The following MED12L variants were observed in gnomAD, a reference collection of about 807,000 sequenced individuals.
MED12L encodes the protein mediator complex subunit 12L.
A neutral mutation model predicts 281.3 loss-of-function variants in MED12L; 60 were observed. The observed-to-expected ratio is 0.21, with a 90% CI of 0.17 to 0.26. The LOEUF is 0.26. MED12L is among the 10% of genes least tolerant of loss of function. The pLI is 1.00. For synonymous variants in MED12L, 974 were observed against 987.2 expected (o/e 0.99, Z 0.25); for missense variants, 2,146 against 2,680.9 (o/e 0.80, Z 4.41).
At chr3:151,177,792 C>T (rs1722237960) in intron 11 of MED12L, among the ~76,000 whole-genome samples, 1 of 152,098 alleles carries the variant, frequency 6.6e-6, no homozygotes, top group Non-Finnish European at 1.5e-5. Context: ...TGCACCTGGC[C>T]AATAAATATT....
intron 16 of MED12L, among the ~76,000 whole-genome samples, chr3:151,222,443 G>T (rs191029605): frequency 6.6e-6 from 1 of 152,290 alleles, no homozygotes; most frequent in East Asian, 1.9e-4. Context: ...TCCATGTGTT[G>T]TGGGAGGGAC....
In MED12L at chr3:151,368,133, C is replaced by T; in HGVS notation, c.3449-17C>T. The T allele has an allele frequency of 6.2e-7, 1 of 1,607,282 alleles. No homozygotes were observed. Among genetic ancestry groups the T allele is most frequent in the Non-Finnish European group, 8.5e-7 (1 of 1,174,262 alleles). On this transcript the variant is annotated splice_polypyrimidine_tract_variant and intron_variant, in intron 24 of 44. Coordinates refer to ENST00000687756, the MANE Select transcript of MED12L (RefSeq NM_001393769.1). ...AAGTGTGTTAGAAAACTTGCTTTTC[C>T]AATCCCCCTTTCCTAGCTTGTGGGG...
chr3:151,295,110 G>A, intron 16 of MED12L: 2 of 1,613,026 alleles, frequency 1.2e-6, no homozygotes, highest in South Asian at 2.2e-5. Flanking sequence ...TAAAGCACCG[G>A]CAAGACAATT....
At chr3:151,264,430 G>A (rs1739457105) in intron 16 of MED12L, among the ~76,000 whole-genome samples, 1 of 152,228 alleles carries the variant, frequency 6.6e-6, no homozygotes, top group Non-Finnish European at 1.5e-5. Flanking sequence ...CTGCTTAAGA[G>A]CTTTTATTGA....
At chr3:151,256,077 T>A (rs556456700) in intron 16 of MED12L, among the ~76,000 whole-genome samples, 3 of 152,354 alleles carry the variant, frequency 2.0e-5, no homozygotes, top group Non-Finnish European at 4.4e-5. Flanking sequence ...TAGATAGAAA[T>A]ACAGTGCTAT....
chr3:151,102,180 C>T (rs1355038377), intron 2 of MED12L, among the ~76,000 whole-genome samples: 1 of 152,150 alleles, frequency 6.6e-6, no homozygotes, highest in Non-Finnish European at 1.5e-5. Context: ...TTGGTTTATA[C>T]TGCTTGTCCT....
intron 16 of MED12L, among the ~76,000 whole-genome samples, chr3:151,267,944 C>T (rs989044191): frequency 6.6e-6 from 1 of 152,020 alleles, no homozygotes; most frequent in Admixed American, 6.5e-5. Context: ...TTAAGAAATG[C>T]GCTATTATCC....
rs892093655 is a variant in MED12L at position 151,273,521 on chromosome 3, G to A, written c.2251-76538G>A. Among the ~76,000 whole-genome samples the A allele has an allele frequency of 5.9e-5, 9 of 151,684 alleles. No individual in the cohort carries two copies. The East Asian group carries it at 1.4e-3, about 23-fold the overall frequency. On this transcript the variant is annotated intron_variant, in intron 16 of 44. Transcript: ENST00000687756. ...CTCCCAAAGTGTTGGGATTACAGGC[G>A]TGAGCCACTGCGCCCGGCCTGATTG...
At chr3:151,317,228 A>G (rs750973412) in intron 16 of MED12L, among the ~76,000 whole-genome samples, 3 of 152,120 alleles carry the variant, frequency 2.0e-5, no homozygotes, top group African/African-American at 4.8e-5. Flanking sequence ...TTGTAGTCTT[A>G]TGAAACTAAT....
At chr3:151,274,149 A>G (rs913556455) in intron 16 of MED12L, among the ~76,000 whole-genome samples, 3 of 152,236 alleles carry the variant, frequency 2.0e-5, no homozygotes, top group Admixed American at 6.5e-5. Context: ...CCTCGCTGCC[A>G]CAAAACCAAA....
intron 16 of MED12L, among the ~76,000 whole-genome samples, chr3:151,334,192 C>CTTTTTTTTTTTTTTTTTTTTTTTTTTTT (rs71848482): frequency 1.9e-4 from 19 of 99,442 alleles, no homozygotes; most frequent in African/African-American, 4.8e-4. Flanking sequence ...TTCTTTCTTT[C>CTTTTTTTTTTTTTTTTTTTTTTTTTTTT]TTTCTTTTTT....
intron 16 of MED12L, among the ~76,000 whole-genome samples, chr3:151,349,660 A>G (rs1752981565): frequency 6.6e-6 from 1 of 152,168 alleles, no homozygotes; most frequent in Non-Finnish European, 1.5e-5. Flanking sequence ...TACTATTGCT[A>G]TATATAAAAC....
At chr3:151,156,833 G>A (rs977354771) in intron 6 of MED12L, among the ~76,000 whole-genome samples, 2 of 152,110 alleles carry the variant, frequency 1.3e-5, no homozygotes, top group Non-Finnish European at 2.9e-5. Flanking sequence ...CCAGAAGAGG[G>A]CGTTTGGGCT....
chr3:151,369,651 T>C (rs984032868), intron 26 of MED12L, 102 bp downstream of exon 26: 3 of 709,136 alleles, frequency 4.2e-6, no homozygotes, highest in Non-Finnish European at 6.7e-6. Flanking sequence ...GGAAACATGA[T>C]ACTGTTTGAT....
chr3:151,150,832 A>G (rs1718359220), intron 5 of MED12L, among the ~76,000 whole-genome samples: 1 of 152,136 alleles, frequency 6.6e-6, no homozygotes, highest in Non-Finnish European at 1.5e-5. Context: ...AGCTCCTGCT[A>G]GATTCCGACT....
At chr3:151,368,676 TG>T (rs1199783962) in intron 25 of MED12L, among the ~76,000 whole-genome samples, 1 of 76,160 alleles carries the variant, frequency 1.3e-5, no homozygotes, top group Non-Finnish European at 2.6e-5. Flanking sequence ...TTTCATTTCA[TG>T]TCATTTCATT....
intron 17 of MED12L, among the ~76,000 whole-genome samples, chr3:151,353,578 T>C (rs1753515388): frequency 6.6e-6 from 1 of 152,248 alleles, no homozygotes; most frequent in Non-Finnish European, 1.5e-5. Flanking sequence ...AGAACCAGCC[T>C]TGTGGTGTTT....
At position 151,221,508 on chromosome 3, in the gene MED12L, C is replaced by T. The variant is rs147725904; in HGVS notation, c.2250+27842C>T. ...GTGGGCCCAGCCCAGGGTCTCTGTG[C>T]TGTGTGCAGCCTGGGGAATTGGTGC... is the stretch of plus-strand genomic sequence containing the variant. On this transcript the variant is annotated intron_variant, in intron 16 of 44. Coordinates refer to ENST00000687756, the MANE Select transcript of MED12L (RefSeq NM_001393769.1). 4.1e-3 allele frequency among the ~76,000 whole-genome samples: 621 copies of T among 152,292 alleles called. 6 individuals carry two copies. The highest frequency in any genetic ancestry group is 0.014 in the African/African-American group (590 of 41,572).
At chr3:151,274,442 G>A (rs1358738637) in intron 16 of MED12L, among the ~76,000 whole-genome samples, 1 of 152,146 alleles carries the variant, frequency 6.6e-6, no homozygotes, top group African/African-American at 2.4e-5. Context: ...TATTTATAGT[G>A]GGGAAAGAGG....
Sources: gnomAD v4.1 joint callset for allele counts (sites outside exome capture counted in the v4.1 genomes callset) on GRCh38, gnomAD v4.1.1 for gene constraint, MANE v1.5 for transcripts, NCBI Gene and HGNC (gene_info 2026-07-23, HGNC 2026-07-21) for gene names.